FOLR2: variants seen among roughly 807,000 people sequenced by gnomAD.
FOLR2 encodes folate receptor beta, also known as folate receptor 2 (fetal).
FOLR2 carries 14 observed loss-of-function variants against 20.4 expected under a neutral mutation model. The observed-to-expected ratio is 0.68, with a 90% CI of 0.45 to 1.07. FOLR2 has a LOEUF of 1.07. Ranked by LOEUF, FOLR2 falls within the 50% of genes least tolerant of loss-of-function variation. The pLI is 0.00. For synonymous variants in FOLR2, 114 were observed against 114.3 expected, an observed-to-expected ratio of 1.00 and a Z score of 0.02; for missense variants, 269 against 322.6, an observed-to-expected ratio of 0.83 and a Z score of 1.27.
chr11:72,221,390 TGAA>T, intron 4 of FOLR2, 77 bp from the exon 5 acceptor site: 1 of 1,595,904 alleles, frequency 6.3e-7, no homozygotes, highest in Non-Finnish European at 8.6e-7. Context: ...TGGGGTGGGG[TGAA>T]GATTTCTGGG....
chr11:72,217,773 C>A (rs920915586), intron 1 of FOLR2, among the ~76,000 whole-genome samples: 1 of 152,092 alleles, frequency 6.6e-6, no homozygotes, highest in Non-Finnish European at 1.5e-5. Flanking sequence ...AATTTTAGTG[C>A]ACCAGTCACC....
intron 2 of FOLR2, among the ~76,000 whole-genome samples, 185 bp downstream of exon 2, chr11:72,218,919 G>A (rs1468071711): frequency 6.6e-6 from 1 of 152,182 alleles, no homozygotes; most frequent in Non-Finnish European, 1.5e-5. Context: ...CCCCGGAGGT[G>A]GATACCATGT....
chr11:72,217,676 T>A (rs1402139988), intron 1 of FOLR2, among the ~76,000 whole-genome samples: 2 of 152,132 alleles, frequency 1.3e-5, no homozygotes, highest in Admixed American at 6.5e-5. Flanking sequence ...TCTGCATTTT[T>A]AAAAAAATTA....
intron 1 of FOLR2, chr11:72,217,483 C>A: frequency 1.1e-6 from 1 of 944,090 alleles, no homozygotes; most frequent in Non-Finnish European, 1.5e-6. Context: ...ATCCATTATC[C>A]ACTCTTTAGT....
intron 1 of FOLR2, chr11:72,217,436 T>G: frequency 7.9e-7 from 1 of 1,258,798 alleles, no homozygotes; most frequent in Non-Finnish European, 1.0e-6. Flanking sequence ...CAGTAAGTTT[T>G]TGGAGGGACC....
At chr11:72,218,824 G>T (rs1948436743) in intron 2 of FOLR2, 90 bp downstream of exon 2, 1 of 1,085,132 alleles carries the variant, frequency 9.2e-7, no homozygotes. Context: ...TGAGGGGTCA[G>T]ATACCTCCAC....
Position 72,218,555 on chromosome 11 carries a change from C to T in FOLR2, c.-24-6C>T, listed in dbSNP as rs374027083. Reference sequence around the variant, plus strand: ...TTCCCCTCAGGACTTGGTTTCCCTACCCTAGCTCCGCCTGCAGGGACAGAA... The same window carrying T: ...TTCCCCTCAGGACTTGGTTTCCCTATCCTAGCTCCGCCTGCAGGGACAGAA... On this transcript the variant is annotated splice_polypyrimidine_tract_variant and splice_region_variant and intron_variant, in intron 1 of 4. Transcript: ENST00000298223. 3.7e-5 allele frequency: 60 copies of T among 1,607,190 alleles called. No individual in the cohort carries two copies. The African/African-American group carries it at 7.2e-4, about 19-fold the overall frequency.
At position 72,221,735 on chromosome 11, in the gene FOLR2, G is replaced by A. The variant is rs761392285; in HGVS notation, c.741G>A (p.Leu247=). ...GGGGTCTCCTGCTCAGTCTGGCCCT[G>A]ATGCTGCAACTCTGGCTCCTTGGCT... The part of the protein sequence containing the change: ...GTGGLLLSLA[L]MLQLWLLG Residue 247 remains leucine, a synonymous_variant, in exon 5 of 5, where the codon CTG becomes CTA. Coordinates refer to ENST00000298223, the MANE Select transcript of FOLR2 (RefSeq NM_000803.5). The A allele has an allele frequency of 1.2e-6, 2 of 1,613,842 alleles. No individual in the cohort carries two copies. Among genetic ancestry groups the A allele is most frequent in the East Asian group, 2.2e-5 (1 of 44,880 alleles).
At position 72,216,880 on chromosome 11, in the gene FOLR2, A is replaced by G. The variant is rs377616764; in HGVS notation, c.-70A>G. The G allele has an allele frequency of 1.1e-4, 177 of 1,599,500 alleles. No homozygotes were observed. The African/African-American group carries it at 2.2e-3, about 20-fold the overall frequency. Reference sequence around the variant, plus strand: ...TCTATTGCCTACTTAGAGAGAGGCCAACTCAGACACAGCCGTGTATGCTCC... The same window carrying G: ...TCTATTGCCTACTTAGAGAGAGGCCGACTCAGACACAGCCGTGTATGCTCC... On this transcript the variant is annotated 5_prime_UTR_variant, in exon 1 of 5. Transcript: ENST00000298223.
In FOLR2 at chr11:72,221,485, C is replaced by T. The variant is rs768756958; in HGVS notation, c.491C>T (p.Pro164Leu). 1 of 1,613,856 alleles carries T rather than the reference C, an allele frequency of 6.2e-7. No homozygotes were observed. Among genetic ancestry groups the T allele is most frequent in the Non-Finnish European group, 8.5e-7 (1 of 1,179,818 alleles). ...WDWTSGVNKC[P>L]AGALCRTFES... is the part of the protein sequence containing the mutation. ...CTCCCTGCAGGAGTTAACAAGTGCC[C>T]AGCTGGGGCTCTCTGCCGCACCTTT... is the stretch of plus-strand genomic sequence containing the variant. Residue 164 changes from proline to leucine, a missense_variant, in exon 5 of 5, where the codon CCA (proline) becomes CTA (leucine). Physicochemically the swap from Pro to Leu is moderately conservative, Grantham distance 98 (BLOSUM62 -3). Transcript: ENST00000298223.
chr11:72,219,539 T>C (rs1478464546), intron 2 of FOLR2, among the ~76,000 whole-genome samples: 1 of 152,182 alleles, frequency 6.6e-6, no homozygotes, highest in African/African-American at 2.4e-5. Context: ...TTAGAAGGCA[T>C]TAGGAAATAG....
In FOLR2 at chr11:72,221,851, C is replaced by T; in HGVS notation, c.*89C>T. ...CACAAATGACAGCCCCTTAAGCATG[C>T]TTCTATTAGTCACCTAACCCTCTGT... On this transcript the variant is annotated 3_prime_UTR_variant, in exon 5 of 5. Coordinates refer to ENST00000298223, the MANE Select transcript of FOLR2 (RefSeq NM_000803.5). 1 of 1,278,840 alleles carries T rather than the reference C, an allele frequency of 7.8e-7. No homozygotes were observed. The highest frequency in any genetic ancestry group is 1.4e-5 in the South Asian group (1 of 70,434). 79.2% of individuals were successfully genotyped at this position (1,278,840 alleles called of 1,614,324 possible).
At chr11:72,217,223 T>A in intron 1 of FOLR2, 2 of 512,788 alleles carry the variant, frequency 3.9e-6, no homozygotes, top group South Asian at 3.5e-5. Context: ...CGGGGTTTCA[T>A]CATGTTGGTC....
In FOLR2 at chr11:72,221,069, T is replaced by TATCCC; in HGVS notation, c.339+11_339+12insATCCC. 1.4e-6 allele frequency: 1 copy of TATCCC among 717,302 alleles called. No homozygotes were observed. Among genetic ancestry groups the TATCCC allele is most frequent in the Non-Finnish European group, 2.2e-6 (1 of 458,084 alleles). 44.4% of individuals were successfully genotyped at this position (717,302 alleles called of 1,614,324 possible). ...CCCTGGATCCAGCAGGTAGGGTGTC[T>TATCCC]CCCCCCCACCCACCCCAGCAGACTG... On this transcript the variant is annotated intron_variant, in intron 3 of 4. Transcript: ENST00000298223.
intron 1 of FOLR2, chr11:72,217,442 G>A (rs1483977916): frequency 4.0e-6 from 5 of 1,235,532 alleles, no homozygotes; most frequent in South Asian, 3.8e-5. Flanking sequence ...GTTTTTGGAG[G>A]GACCTTTACC....
In FOLR2 at chr11:72,221,606, C is replaced by T. The variant is rs771493028; in HGVS notation, c.612C>T (p.Ile204=). 8.7e-6 allele frequency: 14 copies of T among 1,614,206 alleles called. No homozygotes were observed. Among genetic ancestry groups the T allele is most frequent in the African/African-American group, 1.3e-5 (1 of 75,054 alleles). ...ACAGCCGAGGGAGCGGCCGCTGCAT[C>T]CAGATGTGGTTTGATTCAGCCCAGG... ...SNYSRGSGRC[I]QMWFDSAQGN... is the part of the protein sequence containing the mutation. The change falls in exon 5 of 5, where the codon ATC becomes ATT. Residue 204 remains isoleucine (I), a synonymous_variant. Transcript: ENST00000298223.
chr11:72,221,659 TCTATG>T lies in FOLR2; in HGVS notation c.668_672del (p.Tyr223CysfsTer9). ...AACCCCAACGAGGAAGTGGCGAGGT[TCTATG>T]CTGCAGCCATGCATGTGAATGCTGG... On this transcript the variant is annotated frameshift_variant, in exon 5 of 5. Coordinates refer to ENST00000298223, the MANE Select transcript of FOLR2 (RefSeq NM_000803.5). LOFTEE classifies it low-confidence loss of function (END_TRUNC). 1.2e-6 allele frequency: 2 copies of T among 1,614,200 alleles called. No homozygotes were observed. The highest frequency in any genetic ancestry group is 1.7e-6 in the Non-Finnish European group (2 of 1,180,036).
Position 72,220,877 on chromosome 11 carries a change from C to G in FOLR2, c.158C>G (p.Pro53Arg). 6.2e-7 allele frequency: 1 copy of G among 1,613,884 alleles called. No individual in the cohort carries two copies. Among genetic ancestry groups the G allele is most frequent in the South Asian group, 1.1e-5 (1 of 91,078 alleles). Reference protein sequence around the residue: ...PEDKLHDQCSPWKKNACCTAS... With the variant: ...PEDKLHDQCSRWKKNACCTAS... ...TGTGTCTTCCCCACCCAGTGCAGTCCCTGGAAGAAGAATGCCTGCTGCACA... is the reference window on the plus strand; with the variant it reads ...TGTGTCTTCCCCACCCAGTGCAGTCGCTGGAAGAAGAATGCCTGCTGCACA... Residue 53 changes from proline (P) to arginine (R), a missense_variant, in exon 3 of 5, where the codon CCC (proline) becomes CGC (arginine). Coordinates refer to ENST00000298223, the MANE Select transcript of FOLR2 (RefSeq NM_000803.5).
In FOLR2 at chr11:72,221,274, C is replaced by A; in HGVS notation, c.438C>A (p.Cys146Ter). Residue 146 changes from cysteine (C) to a stop codon, truncating the protein, a stop_gained, in exon 4 of 5, where the codon TGC (cysteine) becomes TGA (stop). Coordinates refer to ENST00000298223, the MANE Select transcript of FOLR2 (RefSeq NM_000803.5). LOFTEE classifies it low-confidence loss of function (END_TRUNC). ...AGGATTGTCACACCTCCCACACGTG[C>A]AAGAGCAACTGGCACAGAGGATGGG... The part of the protein sequence containing the change: ...WWEDCHTSHT[C>*]KSNWHRGWDW... 6.2e-7 allele frequency: 1 copy of A among 1,613,948 alleles called. No homozygotes were observed. The highest frequency in any genetic ancestry group is 2.2e-5 in the East Asian group (1 of 44,880).
Sources: allele counts gnomAD v4.1 joint callset (sites outside exome capture counted in the v4.1 genomes callset), GRCh38; gene constraint gnomAD v4.1.1; transcripts MANE v1.5; gene names NCBI Gene and HGNC (gene_info 2026-07-23, HGNC 2026-07-21).